PSMD14: variants seen among roughly 807,000 people sequenced by gnomAD.
PSMD14 encodes the protein proteasome 26S subunit, non-ATPase 14.
PSMD14 carries 7 observed loss-of-function variants against 41.2 expected under a neutral mutation model. The observed-to-expected ratio is 0.17, with a 90% CI of 0.10 to 0.32. PSMD14 has a LOEUF of 0.32. Ranked by LOEUF, PSMD14 falls within the 10% of genes least tolerant of loss-of-function variation. The probability of loss-of-function intolerance (pLI) is 1.00; values close to 1 mark genes in which losing one functional copy is unlikely to be tolerated. For synonymous variants in PSMD14, 114 were observed against 122.3 expected, an observed-to-expected ratio of 0.93 and a Z score of 0.45; for missense variants, 139 against 375.6, an observed-to-expected ratio of 0.37 and a Z score of 5.21.
intron 3 of PSMD14, among the ~76,000 whole-genome samples, chr2:161,335,168 C>A (rs1402205881): frequency 6.6e-6 from 1 of 152,198 alleles, no homozygotes; most frequent in African/African-American, 2.4e-5. Flanking sequence ...TGACATGTTA[C>A]TTCAGAATAC....
At chr2:161,347,685 A>G (rs1334979807) in intron 3 of PSMD14, among the ~76,000 whole-genome samples, 1 of 152,206 alleles carries the variant, frequency 6.6e-6, no homozygotes, top group East Asian at 1.9e-4. Context: ...GTAGGACAGG[A>G]TTTCTTAAAC....
intron 10 of PSMD14, among the ~76,000 whole-genome samples, chr2:161,398,861 A>C (rs893290293): frequency 6.6e-6 from 1 of 152,094 alleles, no homozygotes; most frequent in Non-Finnish European, 1.5e-5. Flanking sequence ...ATATGATAAA[A>C]ACAACAGATA....
intron 3 of PSMD14, among the ~76,000 whole-genome samples, chr2:161,319,587 G>A (rs1689181741): frequency 6.6e-6 from 1 of 152,122 alleles, no homozygotes; most frequent in African/African-American, 2.4e-5. Flanking sequence ...AAATGACTAT[G>A]TGTATTTCTC....
At chr2:161,371,415 T>A in intron 7 of PSMD14, 93 bp downstream of exon 7, 1 of 1,289,562 alleles carries the variant, frequency 7.8e-7, no homozygotes. Context: ...GCAGGATTCT[T>A]AATTACACAG....
intron 3 of PSMD14, among the ~76,000 whole-genome samples, chr2:161,345,165 A>G (rs1683022139): frequency 6.6e-6 from 1 of 151,316 alleles, no homozygotes; most frequent in Non-Finnish European, 1.5e-5. Flanking sequence ...TCCCTTTGTT[A>G]AAGATCAATG....
intron 10 of PSMD14, chr2:161,407,648 A>T (rs1009915436): frequency 1.3e-5 from 2 of 152,112 alleles, no homozygotes; most frequent in African/African-American, 4.8e-5. Flanking sequence ...CATTTCCTAC[A>T]TGTTCATTGT....
intron 7 of PSMD14, among the ~76,000 whole-genome samples, chr2:161,379,033 T>C (rs1683540001): frequency 6.6e-6 from 1 of 152,052 alleles, no homozygotes; most frequent in South Asian, 2.1e-4. Flanking sequence ...GCAATGTATA[T>C]AGGTCCTTTA....
chr2:161,406,692 T>C (rs1425857853), intron 10 of PSMD14, among the ~76,000 whole-genome samples: 1 of 152,134 alleles, frequency 6.6e-6, no homozygotes, highest in African/African-American at 2.4e-5. Context: ...TTTGCAACCT[T>C]AGTATATGCC....
intron 3 of PSMD14, among the ~76,000 whole-genome samples, chr2:161,339,496 ATTT>A (rs202216505): frequency 1.0e-3 from 107 of 105,552 alleles, no homozygotes; most frequent in African/African-American, 3.2e-3. Context: ...TTGTTAATGA[ATTT>A]TTTTTTTTTT....
At chr2:161,329,820 AG>A (rs1682758977) in intron 3 of PSMD14, among the ~76,000 whole-genome samples, 1 of 152,282 alleles carries the variant, frequency 6.6e-6, no homozygotes, top group East Asian at 1.9e-4. Context: ...TCAGGTCAAA[AG>A]CAAGCTAATT....
intron 1 of PSMD14, among the ~76,000 whole-genome samples, chr2:161,316,058 G>C (rs989912053): frequency 6.6e-6 from 1 of 152,084 alleles, no homozygotes; most frequent in Non-Finnish European, 1.5e-5. Context: ...TAGCCAGGCT[G>C]GTCTCCAACT....
chr2:161,352,446 T>TA (rs1445059910), intron 3 of PSMD14, among the ~76,000 whole-genome samples: 1 of 152,224 alleles, frequency 6.6e-6, no homozygotes, highest in Non-Finnish European at 1.5e-5. Flanking sequence ...TACCAAGACT[T>TA]ACTCTCTTTC....
At chr2:161,354,832 G>A (rs1313062305) in intron 3 of PSMD14, among the ~76,000 whole-genome samples, 1 of 152,192 alleles carries the variant, frequency 6.6e-6, no homozygotes, top group Non-Finnish European at 1.5e-5. Flanking sequence ...TTTATAACCA[G>A]ATAATGGTGT....
intron 3 of PSMD14, chr2:161,319,170 G>A (rs1267364941): frequency 3.5e-6 from 1 of 284,026 alleles, no homozygotes; most frequent in Non-Finnish European, 6.5e-6. Context: ...CCTCAAAATA[G>A]CTTACTTCCT....
chr2:161,369,744 G>A (rs1683407596), intron 5 of PSMD14, among the ~76,000 whole-genome samples: 1 of 152,000 alleles, frequency 6.6e-6, no homozygotes, highest in African/African-American at 2.4e-5. Flanking sequence ...CTTTGGATGA[G>A]GCTCATTTTA....
At chr2:161,343,433 A>G (rs1014137876) in intron 3 of PSMD14, among the ~76,000 whole-genome samples, 2 of 152,240 alleles carry the variant, frequency 1.3e-5, no homozygotes, top group Admixed American at 1.3e-4. Context: ...GTATGTATGC[A>G]TACCATATTT....
At position 161,321,393 on chromosome 2, in the gene PSMD14, G is replaced by A. The variant is rs527884221; in HGVS notation, c.48+2520G>A. Among the ~76,000 whole-genome samples the A allele has an allele frequency of 1.6e-3, 239 of 152,194 alleles. 2 individuals are homozygous for A. The highest frequency in any genetic ancestry group is 3.0e-3 in the Non-Finnish European group (207 of 67,986). ...GGCCACCTTAAATCATGATCTATAC[G>A]AATAACCCAATTTTGATGAACGAAA... On this transcript the variant is annotated intron_variant, in intron 3 of 11. Transcript: ENST00000409682.
At chr2:161,393,876 G>A (rs1683751102) in intron 9 of PSMD14, among the ~76,000 whole-genome samples, 2 of 151,466 alleles carry the variant, frequency 1.3e-5, no homozygotes, top group African/African-American at 4.9e-5. Flanking sequence ...AGAATTGTAA[G>A]TCCAATTTGA....
At chr2:161,397,354 C>T (rs1045305875) in intron 10 of PSMD14, among the ~76,000 whole-genome samples, 9 of 151,902 alleles carry the variant, frequency 5.9e-5, no homozygotes, top group East Asian at 1.9e-4. Context: ...TGGCACTGGT[C>T]GGATAGACGA....
Sources: gnomAD v4.1 joint callset for allele counts (sites outside exome capture counted in the v4.1 genomes callset) on GRCh38, gnomAD v4.1.1 for gene constraint, MANE v1.5 for transcripts, NCBI Gene and HGNC (gene_info 2026-07-23, HGNC 2026-07-21) for gene names.